BMPR1B: variants seen among roughly 807,000 people sequenced by gnomAD.
BMPR1B encodes bone morphogenetic protein receptor type 1B.
Under a neutral mutation model 59.1 loss-of-function variants are expected in BMPR1B, and 12 were observed. The observed-to-expected ratio is 0.20, with a 90% CI of 0.13 to 0.33. The LOEUF (loss-of-function observed/expected upper bound fraction) is 0.33, where lower values mean the gene tolerates loss of function less well. Ranked by LOEUF, BMPR1B falls within the 10% of genes least tolerant of loss-of-function variation. BMPR1B has a pLI of 1.00. For missense variants in BMPR1B, 550 were observed against 610.9 expected (o/e 0.90, Z 1.05); for synonymous variants, 237 against 207.3 (o/e 1.14, Z -1.23).
At chr4:95,098,075 A>G (rs1730558638) in intron 3 of BMPR1B, among the ~76,000 whole-genome samples, 1 of 152,120 alleles carries the variant, frequency 6.6e-6, no homozygotes, top group Non-Finnish European at 1.5e-5. Flanking sequence ...GTATATTAGG[A>G]TACTAATATA....
At chr4:94,957,370 A>G (rs1487702524) in intron 2 of BMPR1B, among the ~76,000 whole-genome samples, 2 of 131,606 alleles carry the variant, frequency 1.5e-5, no homozygotes, top group East Asian at 4.3e-4. Context: ...TCCTTTTGCA[A>G]CATGTGTGTG....
At chr4:95,084,566 G>A (rs552895442) in intron 3 of BMPR1B, among the ~76,000 whole-genome samples, 10 of 152,202 alleles carry the variant, frequency 6.6e-5, no homozygotes, top group Admixed American at 3.3e-4. Flanking sequence ...ATATTTTGAA[G>A]TTACCAGAGT....
At chr4:94,940,483 C>T (rs28493295) in intron 2 of BMPR1B, among the ~76,000 whole-genome samples, 4,233 of 152,226 alleles carry the variant, frequency 0.028, 96 homozygotes, top group African/African-American at 0.053. Context: ...TTTCTATAGC[C>T]TTGCTAGAGC....
chr4:94,962,589 T>C (rs987418683), intron 2 of BMPR1B, among the ~76,000 whole-genome samples: 2 of 152,188 alleles, frequency 1.3e-5, no homozygotes, highest in Admixed American at 1.3e-4. Flanking sequence ...TATTTAACTT[T>C]CTGTGCCTGG....
At chr4:94,858,730 G>C (rs1225038035) in intron 1 of BMPR1B, among the ~76,000 whole-genome samples, 1 of 152,140 alleles carries the variant, frequency 6.6e-6, no homozygotes, top group South Asian at 2.1e-4. Context: ...GGGCAGGTAG[G>C]CTAGTTGCTG....
chr4:95,041,353 AT>A (rs201482752), intron 3 of BMPR1B, among the ~76,000 whole-genome samples: 14 of 151,290 alleles, frequency 9.3e-5, no homozygotes, highest in South Asian at 2.1e-4. Context: ...GTGGTCTATA[AT>A]TTTTTTTTAT....
chr4:95,004,215 A>G (rs1192084926), intron 3 of BMPR1B, among the ~76,000 whole-genome samples: 2 of 152,122 alleles, frequency 1.3e-5, no homozygotes, highest in Non-Finnish European at 2.9e-5. Flanking sequence ...CCCACCATGA[A>G]ATATTTTGTT....
In BMPR1B at chr4:94,954,398, C is replaced by G. The variant is rs114818632; in HGVS notation, c.-112-41642C>G. On this transcript the variant is annotated intron_variant, in intron 2 of 12. Transcript: ENST00000515059. ...GACTATACAAACTCTGCAGCTTTGG[C>G]TAGATTATTAAACTTTCTACCTATG... 7.5e-3 allele frequency among the ~76,000 whole-genome samples: 1,136 copies of G among 152,266 alleles called. 15 individuals carry two copies. Among genetic ancestry groups the G allele is most frequent in the African/African-American group, 0.023 (972 of 41,538 alleles).
At chr4:95,103,618 A>C (rs1182182939) in intron 3 of BMPR1B, 5 of 424,706 alleles carry the variant, frequency 1.2e-5, no homozygotes, top group Non-Finnish European at 1.3e-5. Context: ...GGATAAGAAC[A>C]TGAGTCACAA....
intron 1 of BMPR1B, among the ~76,000 whole-genome samples, chr4:94,813,703 T>C (rs762603527): frequency 5.3e-5 from 8 of 152,206 alleles, no homozygotes; most frequent in Non-Finnish European, 1.0e-4. Flanking sequence ...TGGTCCCAGG[T>C]TAGAGGCAGT....
In BMPR1B at chr4:94,845,501, C is replaced by T. The variant is rs574842257; in HGVS notation, c.-182-30330C>T. 2.6e-5 allele frequency among the ~76,000 whole-genome samples: 4 copies of T among 152,132 alleles called. No homozygotes were observed. The South Asian group carries it at 6.2e-4, about 24-fold the overall frequency. On this transcript the variant is annotated intron_variant, in intron 1 of 12. Coordinates refer to ENST00000515059, the MANE Select transcript of BMPR1B (RefSeq NM_001203.3). The stretch of plus-strand genomic sequence containing the variant: ...GGGACTACAGGTGCCCGCCACCACG[C>T]CCGGCTAATTTTTTGTATTTTTAGT...
At chr4:94,988,012 A>G (rs555943645) in intron 2 of BMPR1B, among the ~76,000 whole-genome samples, 1 of 152,238 alleles carries the variant, frequency 6.6e-6, no homozygotes, top group East Asian at 1.9e-4. Flanking sequence ...GACCTAATCT[A>G]ATTTCCATTT....
intron 3 of BMPR1B, among the ~76,000 whole-genome samples, chr4:95,034,433 C>G (rs1272951095): frequency 6.6e-6 from 1 of 151,510 alleles, no homozygotes. Context: ...CTCACCCCTT[C>G]CCACCCATCC....
At position 94,805,468 on chromosome 4, in the gene BMPR1B, T is replaced by C. The variant is rs1723571549; in HGVS notation, c.-183+47400T>C. 2.0e-5 allele frequency among the ~76,000 whole-genome samples: 3 copies of C among 152,160 alleles called. No homozygotes were observed. The South Asian group carries it at 6.2e-4, about 32-fold the overall frequency. On this transcript the variant is annotated intron_variant, in intron 1 of 12. Transcript: ENST00000515059. Reference sequence around the variant, plus strand: ...AACAGCCTTGACTTTTCCTTTGTAATGAAAATAAGAGTGTTTTGTGACTAA... The same window carrying C: ...AACAGCCTTGACTTTTCCTTTGTAACGAAAATAAGAGTGTTTTGTGACTAA...
intron 1 of BMPR1B, among the ~76,000 whole-genome samples, chr4:94,798,984 C>T (rs896144187): frequency 2.0e-5 from 3 of 151,654 alleles, no homozygotes; most frequent in East Asian, 3.9e-4. Flanking sequence ...TATGAGTCAG[C>T]GTGGTTGCTA....
chr4:95,072,527 A>G (rs1410909013), intron 3 of BMPR1B, among the ~76,000 whole-genome samples: 2 of 152,202 alleles, frequency 1.3e-5, no homozygotes, highest in African/African-American at 4.8e-5. Flanking sequence ...AACACTTAAT[A>G]GAGACCAGAA....
intron 2 of BMPR1B, among the ~76,000 whole-genome samples, chr4:94,953,837 A>T (rs1003464853): frequency 1.3e-5 from 2 of 152,046 alleles, no homozygotes; most frequent in Non-Finnish European, 2.9e-5. Flanking sequence ...CCTGGATAAT[A>T]TCCTGAAGTG....
intron 1 of BMPR1B, among the ~76,000 whole-genome samples, chr4:94,795,269 T>G (rs1723142315): frequency 6.8e-6 from 1 of 146,244 alleles, no homozygotes; most frequent in Admixed American, 7.0e-5. Flanking sequence ...CTGCATCTAT[T>G]GAGATAATCA....
intron 2 of BMPR1B, among the ~76,000 whole-genome samples, chr4:94,965,518 G>T (rs1456359889): frequency 1.3e-5 from 2 of 152,020 alleles, no homozygotes; most frequent in Non-Finnish European, 2.9e-5. Context: ...TTCTGGCCTG[G>T]GTTATATAAG....
Sources: gnomAD v4.1 joint callset for allele counts (sites outside exome capture counted in the v4.1 genomes callset) on GRCh38, gnomAD v4.1.1 for gene constraint, MANE v1.5 for transcripts, NCBI Gene and HGNC (gene_info 2026-07-23, HGNC 2026-07-21) for gene names.